Variants in GDPD4 observed in about 807,000 individuals in gnomAD.
GDPD4 encodes glycerophosphodiester phosphodiesterase 6.
Under a neutral mutation model 67.8 loss-of-function variants are expected in GDPD4, and 60 were observed. The ratio of observed to expected loss-of-function variants is 0.88; its 90% confidence interval spans 0.72 to 1.10. The LOEUF (loss-of-function observed/expected upper bound fraction) is 1.10. Ranked by LOEUF, GDPD4 falls within the 50% of genes least tolerant of loss-of-function variation. GDPD4 has a pLI of 0.00. For synonymous variants in GDPD4, 212 were observed against 210.9 expected (o/e 1.00, Z -0.04); for missense variants, 623 against 613.9 (o/e 1.01, Z -0.16).
At position 77,222,181 on chromosome 11, in the gene GDPD4, C is replaced by G. The variant is rs144688872; in HGVS notation, c.1526-4867G>C. 9.7e-3 allele frequency among the ~76,000 whole-genome samples: 1,471 copies of G among 152,268 alleles called. 30 individuals are homozygous for G. Among genetic ancestry groups the G allele is most frequent in the African/African-American group, 0.034 (1,403 of 41,532 alleles). ...ATGGGTCTTGACTCTATCCAATTTG[C>G]CAGTCTGTGTCTTTTAATTGGGGCA... is the stretch of plus-strand genomic sequence containing the variant. On this transcript the variant is annotated intron_variant, in intron 16 of 16. Transcript: ENST00000315938.
chr11:77,297,070 AAAAC>A (rs1937996976), intron 1 of GDPD4, among the ~76,000 whole-genome samples: 1 of 147,354 alleles, frequency 6.8e-6, no homozygotes, highest in Middle Eastern at 3.2e-3. Context: ...CAAAAAAAAA[AAAAC>A]AAAAAAATTC....
rs1958407156 is a variant in GDPD4 at position 77,229,232 on chromosome 11, T to C, written c.1390A>G (p.Thr464Ala). The C allele has an allele frequency of 1.3e-6, 2 of 1,590,316 alleles. No individual in the cohort carries two copies. Among genetic ancestry groups the C allele is most frequent in the Non-Finnish European group, 1.7e-6 (2 of 1,164,408 alleles). Residue 464 changes from threonine (T) to alanine (A), a missense_variant and splice_region_variant, in exon 15 of 17, where the codon ACA becomes GCA. Transcript: ENST00000315938. ...SQLDHPHFFMTPKFYVFMWLL... is the reference protein window; with the variant it reads ...SQLDHPHFFMAPKFYVFMWLL... ...CACATGAACACATAGAACTTTGGTG[T>C]CTGAAAAACATAAACCACAGTGAAA...
At chr11:77,257,990 G>A (rs1342690346) in intron 11 of GDPD4, among the ~76,000 whole-genome samples, 1 of 152,124 alleles carries the variant, frequency 6.6e-6, no homozygotes, top group East Asian at 1.9e-4. Context: ...TATATTCCAT[G>A]TGCCTTGTAC....
chr11:77,230,112 C>T (rs944275052), intron 14 of GDPD4, among the ~76,000 whole-genome samples: 2 of 152,152 alleles, frequency 1.3e-5, no homozygotes, highest in African/African-American at 4.8e-5. Flanking sequence ...CAGATTTAAG[C>T]CTCATAATAG....
chr11:77,229,142 AT>A lies in GDPD4; in HGVS notation c.1472+7del. The A allele has an allele frequency of 3.6e-6, 5 of 1,404,370 alleles. No individual in the cohort carries two copies. Among genetic ancestry groups the A allele is most frequent in the Non-Finnish European group, 5.0e-6 (5 of 1,004,274 alleles). The allele number at this position is 1,404,370 out of a possible 1,614,324, so 87.0% of individuals were successfully genotyped here. A position where few individuals can be genotyped will look rare whatever the true frequency, so the allele number is the denominator to read the frequency against. On this transcript the variant is annotated splice_region_variant and intron_variant, in intron 15 of 16. Coordinates refer to ENST00000315938, the MANE Select transcript of GDPD4 (RefSeq NM_182833.3). ...AAAAAATTCATTTAAAATTATATAT[AT>A]ACTTACCAGTGAAAACAAAATATGG... is the stretch of plus-strand genomic sequence containing the variant.
chr11:77,223,905 A>C (rs1958275799), intron 16 of GDPD4, among the ~76,000 whole-genome samples: 1 of 152,184 alleles, frequency 6.6e-6, no homozygotes, highest in Admixed American at 6.5e-5. Flanking sequence ...GCAATGGCAG[A>C]CACCCCTCCC....
chr11:77,219,886 T>C lies in GDPD4; in HGVS notation c.1526-2572A>G, dbSNP rs576074949. On this transcript the variant is annotated intron_variant, in intron 16 of 16. Transcript: ENST00000315938. The stretch of plus-strand genomic sequence containing the variant: ...TTGTAAGTTGGATTCCTAGGTATTT[T>C]ATTCTCTTTGGAGCAACTGTGAATG... Among the ~76,000 whole-genome samples, 79 of 152,380 alleles carry C rather than the reference T, an allele frequency of 5.2e-4. No homozygotes were observed. In the South Asian group the frequency reaches 0.016, roughly 30 times the overall value.
At chr11:77,234,999 G>C (rs1328873638) in intron 13 of GDPD4, among the ~76,000 whole-genome samples, 1 of 75,442 alleles carries the variant, frequency 1.3e-5, no homozygotes, top group South Asian at 6.1e-4. Flanking sequence ...CTGCAACCTT[G>C]TCAATATCTG....
intron 13 of GDPD4, 46 bp downstream of exon 13, chr11:77,243,648 G>A: frequency 1.3e-6 from 2 of 1,510,786 alleles, no homozygotes; most frequent in South Asian, 2.3e-5. Flanking sequence ...TGTATTTTGT[G>A]TAAGTAAGGC....
At chr11:77,229,966 T>C (rs1448176519) in intron 14 of GDPD4, among the ~76,000 whole-genome samples, 1 of 152,112 alleles carries the variant, frequency 6.6e-6, no homozygotes, top group Non-Finnish European at 1.5e-5. Context: ...TTTTATCCTT[T>C]CTCAGACCAC....
intron 5 of GDPD4, 123 bp downstream of exon 5, chr11:77,276,038 C>A: frequency 1.5e-6 from 1 of 682,102 alleles, no homozygotes; most frequent in South Asian, 1.8e-5. Flanking sequence ...CTCTTCTCTC[C>A]AAGGAGAACA....
intron 5 of GDPD4, 73 bp downstream of exon 5, chr11:77,276,088 A>G: frequency 9.4e-7 from 1 of 1,059,812 alleles, no homozygotes; most frequent in Non-Finnish European, 1.5e-6. Flanking sequence ...ACTGAGTACC[A>G]AGGAGCATGT....
chr11:77,293,793 T>G (rs116036663), intron 1 of GDPD4, among the ~76,000 whole-genome samples: 5 of 152,162 alleles, frequency 3.3e-5, no homozygotes, highest in African/African-American at 1.2e-4. Context: ...TCAAACTTAA[T>G]AGTGAAAGAT....
intron 15 of GDPD4, among the ~76,000 whole-genome samples, chr11:77,228,206 AGCCAGGCATGG>A (rs111882376): frequency 0.016 from 2,420 of 152,186 alleles, 23 homozygotes; most frequent in African/African-American, 0.025. Context: ...TACAAAAATT[AGCCAGGCATGG>A]GCCAGGCAGG....
chr11:77,276,108 G>A (rs542826646), intron 5 of GDPD4, 53 bp downstream of exon 5: 15 of 1,318,606 alleles, frequency 1.1e-5, no homozygotes, highest in Middle Eastern at 3.6e-4. Context: ...TTCAGGCCTG[G>A]TCTAAGGTTC....
At chr11:77,248,744 T>G (rs1327281956) in intron 11 of GDPD4, among the ~76,000 whole-genome samples, 1 of 151,544 alleles carries the variant, frequency 6.6e-6, no homozygotes, top group Non-Finnish European at 1.5e-5. Flanking sequence ...TTATTTTTCT[T>G]GAGTTTTGTT....
chr11:77,294,548 T>C (rs1937885989), intron 1 of GDPD4, among the ~76,000 whole-genome samples: 2 of 152,160 alleles, frequency 1.3e-5, no homozygotes, highest in African/African-American at 4.8e-5. Context: ...GAAGACTCAA[T>C]ATTGTTATAA....
chr11:77,229,808 T>A (rs1434351061), intron 14 of GDPD4, among the ~76,000 whole-genome samples: 1 of 152,216 alleles, frequency 6.6e-6, no homozygotes, highest in Non-Finnish European at 1.5e-5. Flanking sequence ...AATTACCCCT[T>A]ACCTACATGC....
chr11:77,275,378 A>T (rs1368427213), intron 5 of GDPD4, among the ~76,000 whole-genome samples: 1 of 152,172 alleles, frequency 6.6e-6, no homozygotes, highest in Non-Finnish European at 1.5e-5. Context: ...GACCCTGTGA[A>T]AGAAATCATG....
Sources: allele counts gnomAD v4.1 joint callset (sites outside exome capture counted in the v4.1 genomes callset), GRCh38; gene constraint gnomAD v4.1.1; transcripts MANE v1.5; gene names NCBI Gene and HGNC (gene_info 2026-07-23, HGNC 2026-07-21).